Variants in DPF3 observed in about 807,000 individuals in gnomAD.
DPF3 encodes the protein double PHD fingers 3.
A neutral mutation model predicts 56.8 loss-of-function variants in DPF3; 18 were observed. That is an observed-to-expected ratio of 0.32 (90% CI 0.22 to 0.47). The LOEUF (loss-of-function observed/expected upper bound fraction) is 0.47. Ranked by LOEUF, DPF3 falls within the 20% of genes least tolerant of loss-of-function variation. DPF3 has a pLI of 1.00. For synonymous variants in DPF3, 188 were observed against 180.2 expected (o/e 1.04, Z -0.35); for missense variants, 403 against 488.8 (o/e 0.82, Z 1.65).
At chr14:72,852,231 T>C (rs1885012945) in intron 1 of DPF3, among the ~76,000 whole-genome samples, 1 of 152,140 alleles carries the variant, frequency 6.6e-6, no homozygotes, top group Non-Finnish European at 1.5e-5. Flanking sequence ...GGCTTCCCAC[T>C]GCCCCATCCC....
At chr14:72,797,179 C>T (rs138785920) in intron 1 of DPF3, among the ~76,000 whole-genome samples, 3 of 152,268 alleles carry the variant, frequency 2.0e-5, no homozygotes, top group Non-Finnish European at 2.9e-5. Context: ...CATATGAATA[C>T]GCTTGGGCTA....
intron 1 of DPF3, among the ~76,000 whole-genome samples, chr14:72,845,773 C>G (rs1357015377): frequency 6.6e-6 from 1 of 152,146 alleles, no homozygotes; most frequent in African/African-American, 2.4e-5. Context: ...GTGTGAATTG[C>G]CAAGGAAAGT....
chr14:72,781,468 T>G (rs534731854), intron 1 of DPF3, among the ~76,000 whole-genome samples: 141 of 152,308 alleles, frequency 9.3e-4, no homozygotes, highest in African/African-American at 3.1e-3. Flanking sequence ...AGTCTGATGT[T>G]CAGGCCCAGT....
At chr14:72,882,628 A>G (rs1237380254) in intron 1 of DPF3, among the ~76,000 whole-genome samples, 1 of 152,166 alleles carries the variant, frequency 6.6e-6, no homozygotes, top group Non-Finnish European at 1.5e-5. Context: ...GCTTGTTTCC[A>G]CTTAGCATTC....
chr14:72,878,075 T>C (rs1423141437), intron 1 of DPF3, among the ~76,000 whole-genome samples: 1 of 152,186 alleles, frequency 6.6e-6, no homozygotes, highest in Non-Finnish European at 1.5e-5. Flanking sequence ...TGGCACACCA[T>C]CAGCATTTTC....
chr14:72,726,662 T>A (rs949660495), intron 4 of DPF3, among the ~76,000 whole-genome samples: 1 of 151,674 alleles, frequency 6.6e-6, no homozygotes, highest in Non-Finnish European at 1.5e-5. Flanking sequence ...GGAGGGGGAG[T>A]CCTGCATCAG....
intron 1 of DPF3, among the ~76,000 whole-genome samples, chr14:72,814,429 G>A (rs76910809): frequency 0.016 from 2,373 of 152,250 alleles, 60 homozygotes; most frequent in African/African-American, 0.054. Context: ...CACATTTGAT[G>A]AGGCCAGAAT....
chr14:72,752,451 C>T (rs113804148), intron 3 of DPF3, among the ~76,000 whole-genome samples: 281 of 152,230 alleles, frequency 1.8e-3, no homozygotes, highest in Non-Finnish European at 3.0e-3. Flanking sequence ...TCGCTTGAGG[C>T]CAAGAGTTCA....
chr14:72,759,379 T>C (rs951023800), intron 2 of DPF3, among the ~76,000 whole-genome samples: 5 of 152,156 alleles, frequency 3.3e-5, no homozygotes, highest in Admixed American at 2.6e-4. Context: ...GTAGAAATAA[T>C]GGCTGGAGGC....
chr14:72,844,365 A>T (rs1053154936), intron 1 of DPF3, among the ~76,000 whole-genome samples: 1 of 152,180 alleles, frequency 6.6e-6, no homozygotes, highest in Non-Finnish European at 1.5e-5. Context: ...CATGAAACTC[A>T]ATAAAGCTCT....
At chr14:72,730,272 A>C (rs1240207375) in intron 4 of DPF3, among the ~76,000 whole-genome samples, 7 of 152,062 alleles carry the variant, frequency 4.6e-5, no homozygotes, top group African/African-American at 1.7e-4. Flanking sequence ...GCAGGATGTC[A>C]GGTGTGAGAG....
At chr14:72,818,448 G>A (rs1000598916) in intron 1 of DPF3, among the ~76,000 whole-genome samples, 4 of 152,196 alleles carry the variant, frequency 2.6e-5, no homozygotes, top group Non-Finnish European at 4.4e-5. Context: ...GGGAGACCAA[G>A]ACGGGAGGAT....
In DPF3 at chr14:72,799,321, C is replaced by T. The variant is rs191795741; in HGVS notation, c.33-27428G>A. ...TTGTGTAAAATCAACCCCACTCTACCCTCCAACTTCAGAGACAGGCTTGTG... is the reference window on the plus strand; with the variant it reads ...TTGTGTAAAATCAACCCCACTCTACTCTCCAACTTCAGAGACAGGCTTGTG... On this transcript the variant is annotated intron_variant, in intron 1 of 10. Coordinates refer to ENST00000556509, the MANE Select transcript of DPF3 (RefSeq NM_001280542.3). Among the ~76,000 whole-genome samples, 421 of 152,256 alleles carry T rather than the reference C, an allele frequency of 2.8e-3. 2 individuals carry two copies. Among genetic ancestry groups the T allele is most frequent in the Non-Finnish European group, 5.1e-3 (349 of 68,018 alleles).
intron 6 of DPF3, among the ~76,000 whole-genome samples, chr14:72,707,713 G>C (rs928307773): frequency 1.3e-5 from 2 of 152,040 alleles, no homozygotes; most frequent in Non-Finnish European, 2.9e-5. Flanking sequence ...TGTATAGACA[G>C]AGACAGAATT....
chr14:72,794,911 T>C (rs1892574074), intron 1 of DPF3, among the ~76,000 whole-genome samples: 1 of 152,004 alleles, frequency 6.6e-6, no homozygotes, highest in African/African-American at 2.4e-5. Context: ...CTCCCATGTG[T>C]CACTTCTACC....
intron 1 of DPF3, among the ~76,000 whole-genome samples, chr14:72,776,241 T>A (rs1195481678): frequency 2.0e-5 from 3 of 152,120 alleles, no homozygotes; most frequent in African/African-American, 7.2e-5. Context: ...CAGGGTAGAA[T>A]GATGTTCTTA....
intron 7 of DPF3, among the ~76,000 whole-genome samples, chr14:72,688,377 T>C (rs1193615072): frequency 6.6e-6 from 1 of 152,070 alleles, no homozygotes; most frequent in Non-Finnish European, 1.5e-5. Flanking sequence ...TGGATTAGAC[T>C]GAATTTATTT....
At chr14:72,654,166 G>A (rs981207085) in intron 8 of DPF3, among the ~76,000 whole-genome samples, 5 of 152,058 alleles carry the variant, frequency 3.3e-5, no homozygotes, top group Admixed American at 1.3e-4. Context: ...CAGTGTGGAC[G>A]CTCGTAACAT....
chr14:72,888,315 T>G (rs913520584), intron 1 of DPF3, among the ~76,000 whole-genome samples: 1 of 152,040 alleles, frequency 6.6e-6, no homozygotes, highest in African/African-American at 2.4e-5. Context: ...CACCAACACC[T>G]CCTAACCACT....
Sources: gnomAD v4.1 joint callset for allele counts (sites outside exome capture counted in the v4.1 genomes callset) on GRCh38, gnomAD v4.1.1 for gene constraint, MANE v1.5 for transcripts, NCBI Gene and HGNC (gene_info 2026-07-23, HGNC 2026-07-21) for gene names.